AP3B1: variants seen among roughly 807,000 people sequenced by gnomAD.
The protein encoded by AP3B1 is AP-3 complex subunit beta-1.
In AP3B1, 61 loss-of-function variants were observed where a neutral mutation model predicts 132.5. That is an observed-to-expected ratio of 0.46 (90% CI 0.37 to 0.57). The LOEUF is 0.57. Ranked by LOEUF, AP3B1 falls within the 20% of genes least tolerant of loss-of-function variation. The pLI is 0.00. For synonymous variants in AP3B1, 388 were observed against 438.3 expected (o/e 0.89, Z 1.43); for missense variants, 1,120 against 1,289.4 (o/e 0.87, Z 2.01).
chr5:78,147,941 G>A (rs921366440), intron 14 of AP3B1, among the ~76,000 whole-genome samples: 3 of 152,066 alleles, frequency 2.0e-5, no homozygotes, highest in Non-Finnish European at 4.4e-5. Flanking sequence ...GCTGAGGCAG[G>A]AGAATCACTT....
chr5:78,110,279 T>C lies in AP3B1; in HGVS notation c.2325A>G (p.Ile775Met), dbSNP rs750664687. ...ATTCAGAATCGGAAGAACTGTCTTC[T>C]ATTGAACTAGATTCGTCATTTGAAG... ...SDSSNDESSS[I>M]EDSSSDSESE... is the part of the protein sequence containing the mutation. Residue 775 changes from isoleucine to methionine, a missense_variant, in exon 20 of 27, where the codon ATA becomes ATG. Physicochemically the swap from Ile to Met is conservative, Grantham distance 10. This residue lies in a region of AP3B1 where 906 missense variants were observed against 997.1 expected (regional missense o/e 0.91). Coordinates refer to ENST00000255194, the MANE Select transcript of AP3B1 (RefSeq NM_003664.5). The C allele has an allele frequency of 1.9e-6, 3 of 1,609,330 alleles. No homozygotes were observed. The Admixed American group carries it at 5.0e-5, about 27-fold the overall frequency.
chr5:78,012,169 T>C (rs900284361), intron 26 of AP3B1, among the ~76,000 whole-genome samples: 1 of 151,874 alleles, frequency 6.6e-6, no homozygotes, highest in African/African-American at 2.4e-5. Context: ...TTAAATAATA[T>C]ATAAACTTAG....
intron 2 of AP3B1, among the ~76,000 whole-genome samples, chr5:78,261,489 G>C (rs1198698239): frequency 6.6e-6 from 1 of 152,142 alleles, no homozygotes; most frequent in South Asian, 2.1e-4. Flanking sequence ...TTTTGAGACA[G>C]AGTTTCACTC....
chr5:78,193,770 A>ATATATATATATATATATTTTTTTTTTT, intron 7 of AP3B1, among the ~76,000 whole-genome samples: 17 of 67,200 alleles, frequency 2.5e-4, no homozygotes, highest in Non-Finnish European at 4.8e-4. Flanking sequence ...ATATATATAT[A>ATATATATATATATATATTTTTTTTTTT]TTTTTTTTTT....
intron 7 of AP3B1, among the ~76,000 whole-genome samples, chr5:78,199,127 G>A (rs1280781393): frequency 2.6e-5 from 4 of 152,126 alleles, no homozygotes; most frequent in African/African-American, 9.7e-5. Context: ...AGAAACACCT[G>A]TGCACAGTAA....
chr5:78,159,569 T>C (rs1161654411), intron 13 of AP3B1, among the ~76,000 whole-genome samples: 4 of 152,170 alleles, frequency 2.6e-5, no homozygotes, highest in African/African-American at 9.7e-5. Flanking sequence ...CACCCTGACC[T>C]TCTGACATCT....
chr5:78,144,611 G>A (rs1018102444), intron 14 of AP3B1, among the ~76,000 whole-genome samples: 7 of 152,186 alleles, frequency 4.6e-5, no homozygotes, highest in Admixed American at 3.9e-4. Context: ...TAAAGCCTAA[G>A]CCTGAATTAC....
intron 3 of AP3B1, among the ~76,000 whole-genome samples, chr5:78,231,165 TTTTG>T (rs1054548111): frequency 2.6e-5 from 4 of 152,094 alleles, no homozygotes; most frequent in Admixed American, 1.3e-4. Flanking sequence ...GAAAAAGGTT[TTTTG>T]TTTGTTTGTT....
intron 18 of AP3B1, 148 bp from the exon 19 acceptor site, chr5:78,114,071 C>G (rs1193354454): frequency 2.3e-6 from 2 of 880,310 alleles, no homozygotes; most frequent in Non-Finnish European, 3.5e-6. Flanking sequence ...ATTCCCACAC[C>G]CCATTCTTTC....
At chr5:78,050,998 G>A (rs138545755) in intron 22 of AP3B1, among the ~76,000 whole-genome samples, 11 of 152,142 alleles carry the variant, frequency 7.2e-5, no homozygotes, top group Admixed American at 3.9e-4. Context: ...AATAAAAGTC[G>A]TTTGTGTACC....
chr5:78,273,927 A>G (rs1391787897), intron 1 of AP3B1, among the ~76,000 whole-genome samples: 1 of 151,828 alleles, frequency 6.6e-6, no homozygotes, highest in African/African-American at 2.4e-5. Flanking sequence ...CTATCACCCA[A>G]AGCTTCATCA....
chr5:78,288,689 A>G (rs1259737889), intron 1 of AP3B1, among the ~76,000 whole-genome samples: 1 of 152,228 alleles, frequency 6.6e-6, no homozygotes, highest in Admixed American at 6.5e-5. Context: ...GAATTGAGTA[A>G]AAGGATCTGA....
At chr5:78,187,726 A>C (rs180808337) in intron 7 of AP3B1, among the ~76,000 whole-genome samples, 1 of 152,334 alleles carries the variant, frequency 6.6e-6, no homozygotes, top group Admixed American at 6.5e-5. Flanking sequence ...AGAACTAGAA[A>C]AAACTATTTT....
intron 1 of AP3B1, among the ~76,000 whole-genome samples, chr5:78,290,590 T>G (rs1190661142): frequency 1.1e-5 from 1 of 91,212 alleles, no homozygotes; most frequent in Non-Finnish European, 2.9e-5. Context: ...TTAAAAGAAG[T>G]TTTTTTTTAA....
At chr5:78,249,488 A>G (rs1747535883) in intron 2 of AP3B1, among the ~76,000 whole-genome samples, 1 of 151,572 alleles carries the variant, frequency 6.6e-6, no homozygotes, top group African/African-American at 2.4e-5. Context: ...TGTTCTAATG[A>G]TGCATACGTT....
At position 78,065,390 on chromosome 5, in the gene AP3B1, T is replaced by C. The variant is rs948061059; in HGVS notation, c.2577+24003A>G. On this transcript the variant is annotated intron_variant, in intron 22 of 26. Coordinates refer to ENST00000255194, the MANE Select transcript of AP3B1 (RefSeq NM_003664.5). ...GGAAGGGGGGCAGCTGCCATCACTG[T>C]GGCTGCCTGCTGCCTAAGACCACCG... Among the ~76,000 whole-genome samples, 5 of 152,114 alleles carry C rather than the reference T, an allele frequency of 3.3e-5. No homozygotes were observed. In the East Asian group the frequency reaches 9.7e-4, roughly 29 times the overall value.
chr5:78,290,315 G>T (rs112620648), intron 1 of AP3B1, among the ~76,000 whole-genome samples: 1 of 152,080 alleles, frequency 6.6e-6, no homozygotes, highest in Non-Finnish European at 1.5e-5. Flanking sequence ...TGGAACTCCT[G>T]GGTTCAAGCA....
chr5:78,025,710 C>T (rs2112076031), intron 24 of AP3B1, among the ~76,000 whole-genome samples: 1 of 152,314 alleles, frequency 6.6e-6, no homozygotes, highest in South Asian at 2.1e-4. Context: ...AGGTGGAAGA[C>T]CTTACTGTCC....
chr5:78,012,975 C>T (rs1746684617), intron 26 of AP3B1, among the ~76,000 whole-genome samples: 1 of 152,112 alleles, frequency 6.6e-6, no homozygotes, highest in African/African-American at 2.4e-5. Context: ...GCTAAGGGTC[C>T]CTCTAAGTCT....
Sources: gnomAD v4.1 joint callset for allele counts (sites outside exome capture counted in the v4.1 genomes callset) on GRCh38, gnomAD v4.1.1 for gene constraint, gnomAD v4.1.1 regional missense constraint, MANE v1.5 for transcripts, NCBI Gene and HGNC (gene_info 2026-07-23, HGNC 2026-07-21) for gene names.